The following CECR2 variants were observed in gnomAD, a reference collection of about 807,000 sequenced individuals.
The protein encoded by CECR2 is chromatin remodeling regulator CECR2.
CECR2 carries 30 observed loss-of-function variants against 154.5 expected under a neutral mutation model. The ratio of observed to expected loss-of-function variants is 0.19; its 90% CI spans 0.15 to 0.26. The LOEUF is 0.26. Ranked by LOEUF, CECR2 falls within the 10% of genes least tolerant of loss-of-function variation. The probability of loss-of-function intolerance (pLI) is 1.00; values close to 1 mark genes in which losing one functional copy is unlikely to be tolerated. For synonymous variants in CECR2, 725 were observed against 683.7 expected (o/e 1.06, Z -0.94); for missense variants, 1,743 against 1,829.3 (o/e 0.95, Z 0.86).
At chr22:17,441,684 A>G (rs1244710362) in intron 1 of CECR2, among the ~76,000 whole-genome samples, 4 of 151,904 alleles carry the variant, frequency 2.6e-5, no homozygotes, top group Non-Finnish European at 4.4e-5. Flanking sequence ...TAGATGTCTC[A>G]GTCCTGGATC....
At chr22:17,444,650 A>C (rs941278949) in intron 1 of CECR2, among the ~76,000 whole-genome samples, 3 of 152,156 alleles carry the variant, frequency 2.0e-5, no homozygotes, top group Non-Finnish European at 4.4e-5. Context: ...CACCATCAAG[A>C]TTTCTCATGG....
At chr22:17,537,680 T>C (rs1380764116) in intron 10 of CECR2, among the ~76,000 whole-genome samples, 3 of 152,186 alleles carry the variant, frequency 2.0e-5, no homozygotes, top group African/African-American at 7.2e-5. Context: ...CACAAAAATA[T>C]TCATAACTAA....
rs1263354048 is a variant in CECR2 at position 17,409,853 on chromosome 22, T to G, written c.126+39944T>G. 1.8e-5 allele frequency among the ~76,000 whole-genome samples: 2 copies of G among 112,144 alleles called. 1 individual carries two copies. The highest frequency in any genetic ancestry group is 4.3e-5 in the Non-Finnish European group (2 of 47,018). 73.6% of individuals were successfully genotyped at this position (112,144 alleles called of 152,430 possible). A position where few individuals can be genotyped will look rare whatever the true frequency, so the allele number is the denominator to read the frequency against. The stretch of plus-strand genomic sequence containing the variant: ...ACTCAATAAATATTTACTGAGTGAG[T>G]GAATGAATGAAATAAAATTTCCAAA... On this transcript the variant is annotated intron_variant, in intron 1 of 18. Coordinates refer to ENST00000262608, the MANE Select transcript of CECR2 (RefSeq NM_001290047.2).
At chr22:17,477,765 C>A in intron 2 of CECR2, 83 bp downstream of exon 2, 2 of 959,786 alleles carry the variant, frequency 2.1e-6, no homozygotes, top group Non-Finnish European at 3.4e-6. Flanking sequence ...TCTCCTGTGA[C>A]AAACCAGAAC....
Position 17,547,377 on chromosome 22 carries a change from C to T in CECR2, c.2861-771C>T, listed in dbSNP as rs532436745. Among the ~76,000 whole-genome samples the T allele has an allele frequency of 2.0e-4, 30 of 151,986 alleles. No homozygotes were observed. In the East Asian group the frequency reaches 4.9e-3, roughly 25 times the overall value. ...CCCGAATAGCTGGGACTGCAGGTGC[C>T]GGCCACCACACCCAGCTAATTTTTT... On this transcript the variant is annotated intron_variant, in intron 16 of 18. Transcript: ENST00000262608.
intron 1 of CECR2, among the ~76,000 whole-genome samples, chr22:17,383,012 G>A (rs973361918): frequency 6.6e-6 from 1 of 152,164 alleles, no homozygotes; most frequent in African/African-American, 2.4e-5. Flanking sequence ...TGGATCATGA[G>A]GTCAGGAGTT....
chr22:17,479,785 T>TG (rs398036534), intron 2 of CECR2, among the ~76,000 whole-genome samples: 5 of 135,572 alleles, frequency 3.7e-5, no homozygotes, highest in Admixed American at 1.5e-4. Context: ...TTTTTTTTTT[T>TG]GGGACAGGGT....
intron 1 of CECR2, among the ~76,000 whole-genome samples, chr22:17,441,518 G>A (rs958725105): frequency 6.6e-6 from 1 of 152,098 alleles, no homozygotes; most frequent in African/African-American, 2.4e-5. Context: ...TTATTCTAAC[G>A]TGATGAAAGC....
chr22:17,395,062 A>T (rs75809471), intron 1 of CECR2, among the ~76,000 whole-genome samples: 1 of 152,308 alleles, frequency 6.6e-6, no homozygotes, highest in Non-Finnish European at 1.5e-5. Context: ...GATACAGAGC[A>T]TTTGTATCTA....
chr22:17,482,206 C>A (rs1489897166), intron 2 of CECR2, among the ~76,000 whole-genome samples: 3 of 148,592 alleles, frequency 2.0e-5, no homozygotes, highest in Non-Finnish European at 4.4e-5. Flanking sequence ...AGGTGGATCA[C>A]AAGGTCAGAA....
intron 16 of CECR2, among the ~76,000 whole-genome samples, chr22:17,544,543 G>A (rs1172589380): frequency 6.7e-6 from 1 of 150,148 alleles, no homozygotes; most frequent in Non-Finnish European, 1.5e-5. Context: ...AGGCGTGGTG[G>A]CTCATGCCTG....
At chr22:17,464,063 T>A in intron 1 of CECR2, among the ~76,000 whole-genome samples, 1 of 152,192 alleles carries the variant, frequency 6.6e-6, no homozygotes, top group South Asian at 2.1e-4. Context: ...TTTGTTAAAT[T>A]TGGCTTGGTT....
intron 7 of CECR2, among the ~76,000 whole-genome samples, chr22:17,505,981 G>T (rs1333430654): frequency 6.6e-6 from 1 of 150,938 alleles, no homozygotes; most frequent in African/African-American, 2.4e-5. Context: ...AGTAGCTGGG[G>T]ACACAGGCTC....
At chr22:17,488,768 C>T (rs2055470857) in intron 2 of CECR2, among the ~76,000 whole-genome samples, 1 of 152,120 alleles carries the variant, frequency 6.6e-6, no homozygotes, top group Admixed American at 6.5e-5. Flanking sequence ...CTGCTGTGAA[C>T]ATTTGCATAC....
At position 17,548,143 on chromosome 22, in the gene CECR2, T is replaced by TGCA; in HGVS notation, c.2861_2863dup. ...TTTTTCTCCTCTTTTTTTTTTTTTT[T>TGCA]GCAGCAGAGCCGTTGCCTGGCCTTG... On this transcript the variant is annotated splice_region_variant and splice_polypyrimidine_tract_variant and intron_variant, in intron 16 of 18. Coordinates refer to ENST00000262608, the MANE Select transcript of CECR2 (RefSeq NM_001290047.2). 6.8e-7 allele frequency: 1 copy of TGCA among 1,462,550 alleles called. No individual in the cohort carries two copies. Among genetic ancestry groups the TGCA allele is most frequent in the Admixed American group, 2.7e-5 (1 of 36,512 alleles). 90.6% of individuals were successfully genotyped at this position (1,462,550 alleles called of 1,614,324 possible). A position where few individuals can be genotyped will look rare whatever the true frequency, so the allele number is the denominator to read the frequency against.
At chr22:17,477,159 G>C (rs1366504025) in intron 1 of CECR2, 1 of 722,400 alleles carries the variant, frequency 1.4e-6, no homozygotes, top group Non-Finnish European at 2.6e-6. Flanking sequence ...CTCTTGAGAA[G>C]GTTGAGTAAA....
At chr22:17,480,719 C>T (rs774512233) in intron 2 of CECR2, among the ~76,000 whole-genome samples, 3 of 152,054 alleles carry the variant, frequency 2.0e-5, no homozygotes, top group Non-Finnish European at 2.9e-5. Context: ...GCCTCCAAGA[C>T]TAAACTGTTC....
intron 1 of CECR2, among the ~76,000 whole-genome samples, chr22:17,447,044 T>TTTTTTTTTTTTTTC (rs1415034885): frequency 7.0e-6 from 1 of 143,248 alleles, no homozygotes; most frequent in African/African-American, 2.8e-5. Context: ...TTTTTTTTTT[T>TTTTTTTTTTTTTTC]TTTTTTTTGA....
intron 13 of CECR2, among the ~76,000 whole-genome samples, chr22:17,539,778 A>G (rs1316607733): frequency 6.6e-6 from 1 of 152,112 alleles, no homozygotes; most frequent in Non-Finnish European, 1.5e-5. Context: ...GCCATTTTTT[A>G]TTTAGTATTT....
Sources: allele counts gnomAD v4.1 joint callset (sites outside exome capture counted in the v4.1 genomes callset), GRCh38; gene constraint gnomAD v4.1.1; transcripts MANE v1.5; gene names NCBI Gene and HGNC (gene_info 2026-07-23, HGNC 2026-07-21).